The following BRCA1 variants were observed in gnomAD, a reference collection of about 807,000 sequenced individuals.
The protein encoded by BRCA1 is breast cancer type 1 susceptibility protein.
In BRCA1, 140 loss-of-function variants were observed where a neutral mutation model predicts 173.7. The observed-to-expected ratio is 0.81, with a 90% CI of 0.70 to 0.93. BRCA1 has a LOEUF of 0.93. Among genes scored for constraint, BRCA1 ranks in the 40% least tolerant of loss-of-function variants. BRCA1 has a pLI of 0.00. For missense variants in BRCA1, 1,983 were observed against 2,172.5 expected, an observed-to-expected ratio of 0.91 and a Z score of 1.73; for synonymous variants, 662 against 756.0, an observed-to-expected ratio of 0.88 and a Z score of 2.04.
chr17:43,127,328 CTG>C (rs1321568261), upstream of BRCA1, among the ~76,000 whole-genome samples: 2 of 152,228 alleles, frequency 1.3e-5, no homozygotes, highest in Non-Finnish European at 2.9e-5. Flanking sequence ...AGTCAGCACT[CTG>C]TGTCTAGCTT....
At chr17:43,156,359 A>G (rs149981842) in intron 1 of BRCA1, among the ~76,000 whole-genome samples, 16 of 152,356 alleles carry the variant, frequency 1.1e-4, no homozygotes, top group African/African-American at 3.4e-4. Flanking sequence ...CAGTGAAAAG[A>G]GAAACACTGA....
intron 7 of BRCA1, among the ~76,000 whole-genome samples, chr17:43,099,102 C>T (rs1465027052): frequency 2.7e-5 from 4 of 149,944 alleles, no homozygotes; most frequent in Admixed American, 6.6e-5. Context: ...GGATTACAGG[C>T]GTGAGCCACT....
At position 43,100,646 on chromosome 17, in the gene BRCA1, C is replaced by CAT. The variant is rs1332474276; in HGVS notation, c.442-768_442-767dup. On this transcript the variant is annotated intron_variant, in intron 6 of 22. Coordinates refer to ENST00000357654, the MANE Select transcript of BRCA1 (RefSeq NM_007294.4). ...ATATATATATGTTATATATATATAA[C>CAT]ATATATATAACATATATATATATAT... Among the ~76,000 whole-genome samples the CAT allele has an allele frequency of 1.8e-3, 77 of 42,008 alleles. 2 individuals are homozygous for CAT. The highest frequency in any genetic ancestry group is 8.8e-3 in the Admixed American group (21 of 2,398). The allele number at this position is 42,008 out of a possible 152,430, so 27.6% of individuals were successfully genotyped here.
In BRCA1 at chr17:43,111,593, G is replaced by A. The variant is rs143757906; in HGVS notation, c.134+4133C>T. ...TCCCAGAACTTAGGGAGGCCAAGGCGGGCAGATCACGAGGTCAGGAGATCG... is the reference window on the plus strand; with the variant it reads ...TCCCAGAACTTAGGGAGGCCAAGGCAGGCAGATCACGAGGTCAGGAGATCG... On this transcript the variant is annotated intron_variant, in intron 3 of 22. Transcript: ENST00000357654. Among the ~76,000 whole-genome samples, 397 of 151,784 alleles carry A rather than the reference G, an allele frequency of 2.6e-3. 7 individuals carry two copies. The highest frequency in any genetic ancestry group is 3.1e-3 in the East Asian group (16 of 5,164).
At chr17:43,098,028 C>CTT in intron 7 of BRCA1, among the ~76,000 whole-genome samples, 1 of 134,508 alleles carries the variant, frequency 7.4e-6, no homozygotes. Context: ...AGCTCAGCAG[C>CTT]TCTTTTTTTT....
intron 13 of BRCA1, among the ~76,000 whole-genome samples, chr17:43,074,743 A>G (rs1295362004): frequency 6.6e-6 from 1 of 152,038 alleles, no homozygotes; most frequent in African/African-American, 2.4e-5. Flanking sequence ...CTGAGGCACC[A>G]TATCTCCCAG....
chr17:43,048,978 A>G (rs1045238178), intron 21 of BRCA1, 143 bp downstream of exon 21: 2 of 763,086 alleles, frequency 2.6e-6, no homozygotes, highest in Non-Finnish European at 2.3e-6. Context: ...TCCCTTACAG[A>G]TGGAGTCTTT....
chr17:43,099,962 G>C, intron 6 of BRCA1, 82 bp from the exon 7 acceptor site: 1 of 1,094,554 alleles, frequency 9.1e-7, no homozygotes, highest in Non-Finnish European at 1.4e-6. Flanking sequence ...TGACACCATG[G>C]ACAAAATAAA....
In BRCA1 at chr17:43,060,615, G is replaced by T. The variant is rs142018359; in HGVS notation, c.5193+2718C>A. Among the ~76,000 whole-genome samples, 32 of 151,448 alleles carry T rather than the reference G, an allele frequency of 2.1e-4. No individual in the cohort carries two copies. The East Asian group carries it at 6.1e-3, about 29-fold the overall frequency. ...AAGTGATTCTCCTGCCTCAGCCTCT[G>T]GAGTAGCTGGGATTACAGGCACTGG... On this transcript the variant is annotated intron_variant, in intron 18 of 22. Coordinates refer to ENST00000357654, the MANE Select transcript of BRCA1 (RefSeq NM_007294.4).
intron 3 of BRCA1, among the ~76,000 whole-genome samples, chr17:43,111,771 G>A (rs996156173): frequency 1.2e-4 from 19 of 152,178 alleles, no homozygotes; most frequent in Admixed American, 7.9e-4. Context: ...GCAGTGAGCC[G>A]AGACTGCACC....
rs1800709 is a variant in BRCA1 at position 43,093,010 on chromosome 17, G to T, written c.2521C>A (p.Arg841=). 2 of 1,613,766 alleles carry T rather than the reference G, an allele frequency of 1.2e-6. No individual in the cohort carries two copies. Among genetic ancestry groups the T allele is most frequent in the Non-Finnish European group, 1.7e-6 (2 of 1,179,876 alleles). Residue 841 remains arginine (R), a synonymous_variant, in exon 10 of 23, where the codon CGG becomes AGG. Coordinates refer to ENST00000357654, the MANE Select transcript of BRCA1 (RefSeq NM_007294.4). ...YPLGHEVNHS[R]ETSIEMEESE... is the part of the protein sequence containing the mutation. ...TCTTCCATTTCTATGCTTGTTTCCCGACTGTGGTTAACTTCATGTCCCAAT... is the reference window on the plus strand; with the variant it reads ...TCTTCCATTTCTATGCTTGTTTCCCTACTGTGGTTAACTTCATGTCCCAAT...
At chr17:43,127,834 C>T (rs1484756135), upstream of BRCA1, among the ~76,000 whole-genome samples, 1 of 151,364 alleles carries the variant, frequency 6.6e-6, no homozygotes, top group East Asian at 1.9e-4. Flanking sequence ...ACCATCCTGG[C>T]TAACACAGTG....
chr17:43,124,309 A>G (rs1449093193), intron 1 of BRCA1, among the ~76,000 whole-genome samples, 194 bp from the exon 2 acceptor site: 1 of 152,056 alleles, frequency 6.6e-6, no homozygotes, highest in Non-Finnish European at 1.5e-5. Flanking sequence ...AGACAACATA[A>G]ATTCTGAATT....
intron 19 of BRCA1, 88 bp downstream of exon 19, chr17:43,056,964 C>A (rs1424906510): frequency 1.6e-6 from 2 of 1,251,784 alleles, no homozygotes; most frequent in South Asian, 1.2e-5. Context: ...ATAAGTCTTA[C>A]AAAATGAAGC....
chr17:43,126,465 C>T (rs545560355), upstream of BRCA1, among the ~76,000 whole-genome samples: 1 of 152,078 alleles, frequency 6.6e-6, no homozygotes, highest in South Asian at 2.1e-4. Flanking sequence ...AGGAAGCAGC[C>T]TGGGTTAGCT....
At chr17:43,130,900 A>G (rs1199017413) in intron 1 of BRCA1, among the ~76,000 whole-genome samples, 2 of 152,136 alleles carry the variant, frequency 1.3e-5, no homozygotes, top group Non-Finnish European at 2.9e-5. Context: ...TTCAATTTGC[A>G]TTGTTCTGAC....
At chr17:43,168,899 C>G (rs1419798121) in intron 1 of BRCA1, among the ~76,000 whole-genome samples, 16 of 152,254 alleles carry the variant, frequency 1.1e-4, no homozygotes, top group East Asian at 1.9e-4. Context: ...AAACCAAAAT[C>G]AACAACGACC....
In BRCA1 at chr17:43,063,961, G is replaced by A. The variant is rs2051940421; in HGVS notation, c.5075-10C>T. 3 of 1,613,210 alleles carry A rather than the reference G, an allele frequency of 1.9e-6. No individual in the cohort carries two copies. The highest frequency in any genetic ancestry group is 2.5e-6 in the Non-Finnish European group (3 of 1,179,228). ...CACACAAACTCAGCATCTGCAGAAT[G>A]AAAAACACTCAAAGGATTAGAAGTT... On this transcript the variant is annotated splice_polypyrimidine_tract_variant and intron_variant, in intron 16 of 22. Coordinates refer to ENST00000357654, the MANE Select transcript of BRCA1 (RefSeq NM_007294.4).
At chr17:43,126,669 C>T (rs2055884795), upstream of BRCA1, among the ~76,000 whole-genome samples, 1 of 152,222 alleles carries the variant, frequency 6.6e-6, no homozygotes, top group Non-Finnish European at 1.5e-5. Flanking sequence ...GTTCAGAATG[C>T]GAGGTGACAA....
Sources: gnomAD v4.1 joint callset for allele counts (sites outside exome capture counted in the v4.1 genomes callset) on GRCh38, gnomAD v4.1.1 for gene constraint, MANE v1.5 for transcripts, NCBI Gene and HGNC (gene_info 2026-07-23, HGNC 2026-07-21) for gene names.